The following GPC5 variants were observed in gnomAD, a reference collection of about 807,000 sequenced individuals.
GPC5 encodes glypican-5.
Under a neutral mutation model 53.9 loss-of-function variants are expected in GPC5, and 47 were observed. The ratio of observed to expected loss-of-function variants is 0.87; its 90% CI spans 0.69 to 1.11. GPC5 has a LOEUF of 1.11. Ranked by LOEUF, GPC5 falls within the 50% of genes most tolerant of loss-of-function variation. GPC5 has a pLI of 0.00. For synonymous variants in GPC5, 286 were observed against 263.3 expected (o/e 1.09, Z -0.84); for missense variants, 748 against 713.1 (o/e 1.05, Z -0.56).
chr13:91,670,115 T>G (rs970301983), intron 2 of GPC5, among the ~76,000 whole-genome samples: 8 of 152,078 alleles, frequency 5.3e-5, no homozygotes, highest in African/African-American at 9.7e-5. Flanking sequence ...GAGAGATTGA[T>G]CTGATGGAAG....
At chr13:92,624,852 T>C (rs530984445) in intron 7 of GPC5, among the ~76,000 whole-genome samples, 9 of 152,344 alleles carry the variant, frequency 5.9e-5, no homozygotes, top group African/African-American at 1.9e-4. Flanking sequence ...CAGGGCTTAC[T>C]ATGCAAATAT....
Position 92,282,775 on chromosome 13 carries a change from C to T in GPC5, c.1561+137786C>T, listed in dbSNP as rs534877523. On this transcript the variant is annotated intron_variant, in intron 7 of 7. Coordinates refer to ENST00000377067, the MANE Select transcript of GPC5 (RefSeq NM_004466.6). ...CATGGAAAGGAACAAAAGATACCGG[C>T]CACTGCAATAACATGCCAAATTGTA... is the stretch of plus-strand genomic sequence containing the variant. Among the ~76,000 whole-genome samples the T allele has an allele frequency of 2.6e-5, 4 of 152,260 alleles. No homozygotes were observed. The East Asian group carries it at 5.8e-4, about 22-fold the overall frequency.
In GPC5 at chr13:92,093,519, G is replaced by T. The variant is rs528248441; in HGVS notation, c.1402-51311G>T. ...TTGGATTTTCTTTTTGTGAAGCTAT[G>T]TTATCAAGTTATTCTTAGTTTTACA... On this transcript the variant is annotated intron_variant, in intron 6 of 7. Coordinates refer to ENST00000377067, the MANE Select transcript of GPC5 (RefSeq NM_004466.6). 9.2e-5 allele frequency among the ~76,000 whole-genome samples: 14 copies of T among 151,848 alleles called. No individual in the cohort carries two copies. In the East Asian group the frequency reaches 2.7e-3, roughly 30 times the overall value.
chr13:92,553,599 T>C (rs918949992), intron 7 of GPC5, among the ~76,000 whole-genome samples: 2 of 151,956 alleles, frequency 1.3e-5, no homozygotes, highest in East Asian at 3.9e-4. Context: ...AAGGTGGATA[T>C]GCAGAATATA....
chr13:92,172,361 G>A (rs1452288169), intron 7 of GPC5, among the ~76,000 whole-genome samples: 1 of 152,092 alleles, frequency 6.6e-6, no homozygotes, highest in Admixed American at 6.6e-5. Context: ...TGGTATGAGT[G>A]CCAAAATGAA....
chr13:91,465,589 G>T (rs186091113), intron 2 of GPC5, among the ~76,000 whole-genome samples: 53 of 152,166 alleles, frequency 3.5e-4, no homozygotes, highest in African/African-American at 1.2e-3. Context: ...GTTTGAAAAA[G>T]ATTTTCTTTG....
intron 6 of GPC5, among the ~76,000 whole-genome samples, chr13:91,928,901 CCAAT>C (rs1277067565): frequency 6.6e-6 from 1 of 152,146 alleles, no homozygotes; most frequent in Non-Finnish European, 1.5e-5. Flanking sequence ...ATTGTGCTAA[CCAAT>C]CATTTAAAAT....
chr13:92,041,841 G>A (rs1359664323), intron 6 of GPC5, among the ~76,000 whole-genome samples: 1 of 152,190 alleles, frequency 6.6e-6, no homozygotes, highest in East Asian at 1.9e-4. Context: ...AAGGAGTCTT[G>A]TACAAAAGCC....
intron 3 of GPC5, among the ~76,000 whole-genome samples, chr13:91,694,712 A>G (rs1207933680): frequency 6.6e-6 from 1 of 152,232 alleles, no homozygotes; most frequent in Non-Finnish European, 1.5e-5. Flanking sequence ...CAGTGCCAAC[A>G]AAAGACATCT....
chr13:91,750,245 A>C (rs563191478), intron 4 of GPC5, among the ~76,000 whole-genome samples: 1 of 152,348 alleles, frequency 6.6e-6, no homozygotes, highest in South Asian at 2.1e-4. Flanking sequence ...GCTTTGAATA[A>C]ATATTCAGAT....
At chr13:91,845,078 T>A (rs1026180077) in intron 5 of GPC5, among the ~76,000 whole-genome samples, 3 of 152,204 alleles carry the variant, frequency 2.0e-5, no homozygotes, top group Non-Finnish European at 4.4e-5. Flanking sequence ...GTAGCTCTAA[T>A]AATTACTATA....
chr13:91,751,126 A>G (rs936023539), intron 4 of GPC5, among the ~76,000 whole-genome samples: 1 of 152,010 alleles, frequency 6.6e-6, no homozygotes, highest in Non-Finnish European at 1.5e-5. Flanking sequence ...TGCCACCTAA[A>G]CCCTGCCAAA....
chr13:92,536,010 G>T (rs1312331278), intron 7 of GPC5, among the ~76,000 whole-genome samples: 1 of 151,998 alleles, frequency 6.6e-6, no homozygotes, highest in Non-Finnish European at 1.5e-5. Context: ...GAATTTTCAG[G>T]ATATATTTTT....
intron 1 of GPC5, among the ~76,000 whole-genome samples, chr13:91,445,476 ATTTG>A (rs936024084): frequency 2.0e-5 from 3 of 151,954 alleles, no homozygotes; most frequent in South Asian, 2.1e-4. Flanking sequence ...CAGTTTGTTT[ATTTG>A]TTTGTTTGTT....
At chr13:92,857,212 T>C (rs1879029225) in intron 7 of GPC5, among the ~76,000 whole-genome samples, 1 of 152,078 alleles carries the variant, frequency 6.6e-6, no homozygotes, top group African/African-American at 2.4e-5. Context: ...ACATAAGCAA[T>C]GGGGAACAGA....
intron 6 of GPC5, among the ~76,000 whole-genome samples, chr13:91,982,180 T>C (rs2040366047): frequency 6.6e-6 from 1 of 152,276 alleles, no homozygotes; most frequent in African/African-American, 2.4e-5. Flanking sequence ...GCAGAGGTCA[T>C]TCATGAGACT....
chr13:92,169,371 G>A (rs956621511), intron 7 of GPC5, among the ~76,000 whole-genome samples: 1 of 152,114 alleles, frequency 6.6e-6, no homozygotes, highest in African/African-American at 2.4e-5. Flanking sequence ...TAAAACCATC[G>A]TTAAATATAT....
intron 7 of GPC5, among the ~76,000 whole-genome samples, chr13:92,521,155 T>C (rs61973642): frequency 0.029 from 4,406 of 152,272 alleles, 93 homozygotes; most frequent in Middle Eastern, 0.071. Flanking sequence ...GAACATTCCA[T>C]GCTCACGGGT....
chr13:91,774,614 C>A (rs746181154), intron 5 of GPC5, among the ~76,000 whole-genome samples: 8 of 152,104 alleles, frequency 5.3e-5, no homozygotes, highest in Non-Finnish European at 1.0e-4. Flanking sequence ...CACCCATCCC[C>A]CTACTGCTGG....
Sources: gnomAD v4.1 joint callset for allele counts (sites outside exome capture counted in the v4.1 genomes callset) on GRCh38, gnomAD v4.1.1 for gene constraint, MANE v1.5 for transcripts, NCBI Gene and HGNC (gene_info 2026-07-23, HGNC 2026-07-21) for gene names.